Variants in ADAMTS9 observed in about 807,000 individuals in gnomAD.
ADAMTS9 encodes A disintegrin and metalloproteinase with thrombospondin motifs 9.
Under a neutral mutation model 257.1 loss-of-function variants are expected in ADAMTS9, and 107 were observed. That is an observed-to-expected ratio of 0.42 (90% confidence interval 0.36 to 0.49). ADAMTS9 has a LOEUF of 0.49. Ranked by LOEUF, ADAMTS9 falls within the 20% of genes least tolerant of loss-of-function variation. The pLI is 0.03. For synonymous variants in ADAMTS9, 982 were observed against 880.9 expected (o/e 1.11, Z -2.03); for missense variants, 2,353 against 2,469.1 (o/e 0.95, Z 1.00).
intron 26 of ADAMTS9, among the ~76,000 whole-genome samples, chr3:64,600,528 C>T (rs1402278425): frequency 6.6e-6 from 1 of 152,236 alleles, no homozygotes; most frequent in Non-Finnish European, 1.5e-5. Flanking sequence ...ATAAGCACAG[C>T]ACTAAAACAC....
chr3:64,651,120 C>T lies in ADAMTS9; in HGVS notation c.1360G>A (p.Gly454Arg). 2 of 1,597,330 alleles carry T rather than the reference C, an allele frequency of 1.3e-6. No individual in the cohort carries two copies. Among genetic ancestry groups the T allele is most frequent in the Non-Finnish European group, 1.7e-6 (2 of 1,174,116 alleles). ...ATGACATGCTGGGGACTCTTAACTC[C>T]TTCTTCTTTACATTTGTTGTTGTCA... ...HDDNNKCKEE[G>R]VKSPQHVMAP... Residue 454 changes from glycine (G) to arginine (R), a missense_variant, in exon 9 of 40, where the codon GGA (glycine) becomes AGA (arginine). Gly to Arg is a moderately radical substitution (Grantham distance 125). Coordinates refer to ENST00000498707, the MANE Select transcript of ADAMTS9 (RefSeq NM_182920.2).
chr3:64,522,428 CTG>C (rs1440464891), intron 38 of ADAMTS9, 168 bp from the exon 39 acceptor site: 4 of 509,910 alleles, frequency 7.8e-6, no homozygotes, highest in African/African-American at 1.9e-5. Context: ...AAACTTCAGC[CTG>C]TGAGCCAAAT....
At chr3:64,553,068 T>A (rs1255384186) in intron 30 of ADAMTS9, among the ~76,000 whole-genome samples, 2 of 151,996 alleles carry the variant, frequency 1.3e-5, no homozygotes, top group African/African-American at 4.8e-5. Flanking sequence ...AAATATAAAA[T>A]TCACCATTTT....
rs566892501 is a variant in ADAMTS9, at chr3:64,668,963, G to A, written c.680-10172C>T. Reference sequence around the variant, plus strand: ...CCTAGTTTACAGGCACTGAGGACTGGTTTATAAGGCCTGCAGCTGAAACCC... The same window carrying A: ...CCTAGTTTACAGGCACTGAGGACTGATTTATAAGGCCTGCAGCTGAAACCC... On this transcript the variant is annotated intron_variant, in intron 3 of 39. Transcript: ENST00000498707. Among the ~76,000 whole-genome samples the A allele has an allele frequency of 2.0e-5, 3 of 152,204 alleles. 1 individual carries two copies. The South Asian group carries it at 6.2e-4, about 32-fold the overall frequency.
intron 29 of ADAMTS9, among the ~76,000 whole-genome samples, chr3:64,566,602 A>G (rs542636885): frequency 5.7e-4 from 87 of 152,358 alleles, no homozygotes; most frequent in Non-Finnish European, 9.7e-4. Flanking sequence ...ATGATGCTGG[A>G]TTAAAACTCA....
At chr3:64,584,886 C>T (rs1246318122) in intron 28 of ADAMTS9, among the ~76,000 whole-genome samples, 5 of 152,098 alleles carry the variant, frequency 3.3e-5, no homozygotes, top group South Asian at 4.1e-4. Context: ...ATGTAAATAC[C>T]GTACAACTCT....
At chr3:64,632,036 C>T (rs550172290) in intron 14 of ADAMTS9, 111 bp from the exon 15 acceptor site, 1 of 800,050 alleles carries the variant, frequency 1.2e-6, no homozygotes, top group Non-Finnish European at 2.0e-6. Flanking sequence ...AAAGTCAAGT[C>T]CTTTAAAACT....
At chr3:64,577,090 A>C (rs2083871799) in intron 28 of ADAMTS9, among the ~76,000 whole-genome samples, 1 of 152,160 alleles carries the variant, frequency 6.6e-6, no homozygotes, top group African/African-American at 2.4e-5. Context: ...ATGAAACCCA[A>C]ATTAGGGCTC....
intron 3 of ADAMTS9, among the ~76,000 whole-genome samples, chr3:64,679,795 G>T (rs866107240): frequency 6.6e-6 from 1 of 152,178 alleles, no homozygotes; most frequent in Non-Finnish European, 1.5e-5. Context: ...AAGAAGTTTA[G>T]GTCAATGGTC....
chr3:64,599,892 G>T (rs2084427427), intron 26 of ADAMTS9, among the ~76,000 whole-genome samples: 1 of 152,114 alleles, frequency 6.6e-6, no homozygotes, highest in South Asian at 2.1e-4. Context: ...GACAGAGACT[G>T]TATGGTTCAC....
rs535149590 is a variant in ADAMTS9 at position 64,686,937 on chromosome 3, T to C, written c.147A>G (p.Glu49=). The stretch of plus-strand genomic sequence containing the variant: ...CGTTCACTCGGATGGGAGACACGAT[T>C]TCGTATTCGCTCAGGGTCTCTAATA... ...VKLLETLSEY[E]IVSPIRVNAL... is the part of the protein sequence containing the mutation. Residue 49 remains glutamate (E), a synonymous_variant, in exon 2 of 40, where the codon GAA becomes GAG. Transcript: ENST00000498707. This position sits in a 1 kb window ranked among gnomAD's most constrained non-coding sequence, Gnocchi z 4.6. 1 of 1,614,146 alleles carries C rather than the reference T, an allele frequency of 6.2e-7. No individual in the cohort carries two copies. Among genetic ancestry groups the C allele is most frequent in the African/African-American group, 1.3e-5 (1 of 75,040 alleles).
rs781165572 is a variant in ADAMTS9 at position 64,622,294 on chromosome 3, C to T, written c.2590G>A (p.Val864Ile). The change falls in exon 18 of 40, where the codon GTA becomes ATA. Residue 864 changes from valine to isoleucine, a missense_variant. By Grantham distance (29) the Val-to-Ile change is conservative. Around this residue, in one of 3 missense-constraint regions of ADAMTS9, gnomAD observed 1,402 missense variants for 1,441.4 expected, o/e 0.97. Transcript: ENST00000498707. ...LSVGKLYNPD[V>I]RYSFNIPIED... The stretch of plus-strand genomic sequence containing the variant: ...ATTGGAATATTGAAAGAATAGCGTA[C>T]ATCGGGGTTGTACAACTTTCCCACC... 6.2e-7 allele frequency: 1 copy of T among 1,613,764 alleles called. No homozygotes were observed. The highest frequency in any genetic ancestry group is 1.1e-5 in the South Asian group (1 of 91,050).
chr3:64,621,330 G>A (rs1383188631), intron 18 of ADAMTS9, 90 bp from the exon 19 acceptor site: 4 of 1,389,154 alleles, frequency 2.9e-6, no homozygotes, highest in African/African-American at 2.9e-5. Context: ...TTTCTCTAAA[G>A]AGCCAGACAG....
At chr3:64,529,398 G>C (rs1399456592) in intron 38 of ADAMTS9, among the ~76,000 whole-genome samples, 1 of 151,642 alleles carries the variant, frequency 6.6e-6, no homozygotes, top group Non-Finnish European at 1.5e-5. Context: ...TTGCCAAGGA[G>C]GTTTGGAAAA....
At chr3:64,604,121 T>A in intron 24 of ADAMTS9, 32 bp from the exon 25 acceptor site, 3 of 1,612,184 alleles carry the variant, frequency 1.9e-6, no homozygotes, top group South Asian at 1.1e-5. Context: ...TGCAGTTATA[T>A]TACGTGGAAT....
chr3:64,686,421 A>G lies in ADAMTS9; in HGVS notation c.516+147T>C, dbSNP rs990440796. 2.5e-6 allele frequency: 3 copies of G among 1,191,388 alleles called. No individual in the cohort carries two copies. The African/African-American group carries it at 4.6e-5, about 18-fold the overall frequency. 73.8% of individuals were successfully genotyped at this position (1,191,388 alleles called of 1,614,324 possible). ...TCGCACGCACAGAGCTAGCTACCCA[A>G]ACCATACGAGTTTCTAGCTGATATT... is the stretch of plus-strand genomic sequence containing the variant. On this transcript the variant is annotated intron_variant, in intron 2 of 39. Coordinates refer to ENST00000498707, the MANE Select transcript of ADAMTS9 (RefSeq NM_182920.2). The surrounding 1 kb of genome is among the most constrained non-coding windows in gnomAD (Gnocchi z 4.6).
At chr3:64,659,322 G>C (rs1349709387) in intron 3 of ADAMTS9, among the ~76,000 whole-genome samples, 1 of 151,988 alleles carries the variant, frequency 6.6e-6, no homozygotes, top group Non-Finnish European at 1.5e-5. Context: ...ACAAAAATTA[G>C]CCAGGCATGC....
intron 12 of ADAMTS9, among the ~76,000 whole-genome samples, chr3:64,641,242 C>T (rs1317672869): frequency 1.9e-5 from 2 of 107,636 alleles, no homozygotes; most frequent in African/African-American, 8.1e-5. Context: ...CATTAGTGTG[C>T]TATCTTTTTT....
chr3:64,669,335 T>G (rs938310816), intron 3 of ADAMTS9, among the ~76,000 whole-genome samples: 3 of 152,150 alleles, frequency 2.0e-5, no homozygotes, highest in South Asian at 2.1e-4. Flanking sequence ...CTCATTTGAG[T>G]CATACTTTTG....
Sources: gnomAD v4.1 joint callset for allele counts (sites outside exome capture counted in the v4.1 genomes callset) on GRCh38, gnomAD v4.1.1 for gene constraint, gnomAD v4.1.1 regional missense constraint, Gnocchi (gnomAD v3.1) non-coding constraint, MANE v1.5 for transcripts, NCBI Gene and HGNC (gene_info 2026-07-23, HGNC 2026-07-21) for gene names.